NEK10: variants seen among roughly 807,000 people sequenced by gnomAD.
NEK10 encodes serine/threonine-protein kinase Nek10.
Under a neutral mutation model 159.8 loss-of-function variants are expected in NEK10, and 122 were observed. That is an observed-to-expected ratio of 0.76 (90% CI 0.66 to 0.89). The LOEUF is 0.89. NEK10 is among the 40% of genes least tolerant of loss of function. NEK10 has a pLI of 0.00. For synonymous variants in NEK10, 466 were observed against 457.1 expected (o/e 1.02, Z -0.25); for missense variants, 1,342 against 1,323.1 (o/e 1.01, Z -0.22).
intron 26 of NEK10, among the ~76,000 whole-genome samples, chr3:27,190,490 T>C (rs1305594634): frequency 6.6e-6 from 1 of 152,146 alleles, no homozygotes; most frequent in Non-Finnish European, 1.5e-5. Context: ...TTTTCCATAA[T>C]AAAGAATTTT....
chr3:27,354,570 T>C (rs1187927073), intron 1 of NEK10, among the ~76,000 whole-genome samples: 1 of 152,204 alleles, frequency 6.6e-6, no homozygotes, highest in African/African-American at 2.4e-5. Flanking sequence ...AAGTTGGGAA[T>C]GCTTTAAAAT....
At chr3:27,162,444 G>T in intron 30 of NEK10, 2 of 1,612,952 alleles carry the variant, frequency 1.2e-6, no homozygotes, top group Non-Finnish European at 1.7e-6. Context: ...ACATCAATGT[G>T]ATCTAGTAAG....
intron 30 of NEK10, among the ~76,000 whole-genome samples, chr3:27,149,774 A>G (rs1944652254): frequency 6.6e-6 from 1 of 152,194 alleles, no homozygotes; most frequent in Admixed American, 6.5e-5. Context: ...AAAGAGTCAC[A>G]TGTCTCTTAC....
chr3:27,157,836 T>C (rs1018135639), intron 30 of NEK10, among the ~76,000 whole-genome samples: 8 of 152,150 alleles, frequency 5.3e-5, no homozygotes, highest in African/African-American at 1.9e-4. Context: ...CCCCAATCTT[T>C]AGCAACCACC....
At chr3:27,119,480 A>G (rs1940972872) in intron 33 of NEK10, among the ~76,000 whole-genome samples, 1 of 152,156 alleles carries the variant, frequency 6.6e-6, no homozygotes, top group South Asian at 2.1e-4. Context: ...TCCCATCATC[A>G]GATAAGCAAA....
At chr3:27,198,803 G>A (rs1949780429) in intron 25 of NEK10, among the ~76,000 whole-genome samples, 1 of 152,094 alleles carries the variant, frequency 6.6e-6, no homozygotes. Context: ...CAGGTGCGGT[G>A]ACTCACGACT....
chr3:27,174,467 A>C lies in NEK10; in HGVS notation c.2748T>G (p.Ser916Arg). 1 of 1,612,632 alleles carries C rather than the reference A, an allele frequency of 6.2e-7. No homozygotes were observed. Among genetic ancestry groups the C allele is most frequent in the Non-Finnish European group, 8.5e-7 (1 of 1,179,770 alleles). The change falls in exon 28 of 36, where the codon AGT (serine) becomes AGG (arginine). Residue 916 changes from serine (S) to arginine (R), a missense_variant. Physicochemically the swap from Ser to Arg is moderately radical, Grantham distance 110. Coordinates refer to ENST00000691995, the MANE Select transcript of NEK10 (RefSeq NM_001394966.1). The part of the protein sequence containing the change: ...LDISDNSSSS[S>R]SSPLKESTFN... ...ATGTAGATTCTTTCAGAGGGCTTGA[A>C]CTGGAGCTGCTGGAGTTATCCGAAA...
chr3:27,201,796 G>C (rs1468770555), intron 24 of NEK10, among the ~76,000 whole-genome samples: 1 of 152,194 alleles, frequency 6.6e-6, no homozygotes, highest in African/African-American at 2.4e-5. Context: ...ATTAACCTTA[G>C]ATTCATAATA....
intron 4 of NEK10, among the ~76,000 whole-genome samples, chr3:27,344,711 A>C (rs2047434074): frequency 6.6e-6 from 1 of 152,212 alleles, no homozygotes; most frequent in Admixed American, 6.5e-5. Flanking sequence ...GGAGAGAAAG[A>C]ATGATTGGGG....
rs528818825 is a variant in NEK10, at chr3:27,297,312, T to A, written c.1169-72A>T. Reference sequence around the variant, plus strand: ...TATACTATCACATAAATACTCTTACTCCACAGGGTATTTTTATTATTTTGC... The same window carrying A: ...TATACTATCACATAAATACTCTTACACCACAGGGTATTTTTATTATTTTGC... On this transcript the variant is annotated intron_variant, in intron 13 of 35. Transcript: ENST00000691995. 24 of 957,430 alleles carry A rather than the reference T, an allele frequency of 2.5e-5. No individual in the cohort carries two copies. In the South Asian group the frequency reaches 3.5e-4, roughly 14 times the overall value. 59.3% of individuals were successfully genotyped at this position (957,430 alleles called of 1,614,324 possible). A position where few individuals can be genotyped will look rare whatever the true frequency, so the allele number is the denominator to read the frequency against.
chr3:27,298,961 T>C (rs181265666), intron 13 of NEK10, among the ~76,000 whole-genome samples: 1 of 152,164 alleles, frequency 6.6e-6, no homozygotes, highest in Non-Finnish European at 1.5e-5. Context: ...GAACACAGCA[T>C]AAAAGTTTGG....
chr3:27,123,806 G>A (rs2125465325), intron 32 of NEK10, among the ~76,000 whole-genome samples: 1 of 152,020 alleles, frequency 6.6e-6, no homozygotes, highest in East Asian at 1.9e-4. Flanking sequence ...GAGTAGATGG[G>A]GCGAGAAGAA....
intron 23 of NEK10, chr3:27,214,837 C>T: frequency 9.1e-6 from 11 of 1,209,114 alleles, no homozygotes; most frequent in Non-Finnish European, 1.3e-5. Flanking sequence ...AGATATGGAG[C>T]CTGGAAATCA....
chr3:27,228,034 G>C (rs1370183502), intron 23 of NEK10, among the ~76,000 whole-genome samples: 1 of 152,214 alleles, frequency 6.6e-6, no homozygotes, highest in African/African-American at 2.4e-5. Context: ...ACTTGCAATA[G>C]TCAAGAAGTG....
chr3:27,233,038 G>A (rs573834949), intron 23 of NEK10, among the ~76,000 whole-genome samples: 7 of 152,040 alleles, frequency 4.6e-5, no homozygotes, highest in African/African-American at 1.7e-4. Flanking sequence ...TAAATAAATG[G>A]GACCTAATTA....
intron 6 of NEK10, among the ~76,000 whole-genome samples, chr3:27,314,580 C>A (rs949280298): frequency 3.9e-5 from 6 of 152,112 alleles, no homozygotes; most frequent in African/African-American, 1.4e-4. Flanking sequence ...CCGCAGCCTG[C>A]CCCTTCATTC....
chr3:27,278,244 T>TTTAAC (rs1199967236), intron 22 of NEK10, among the ~76,000 whole-genome samples: 2 of 152,230 alleles, frequency 1.3e-5, no homozygotes, highest in Non-Finnish European at 2.9e-5. Flanking sequence ...CATGTTACAG[T>TTTAAC]ATTTTGCATA....
At chr3:27,296,454 C>G (rs1355107208) in intron 14 of NEK10, among the ~76,000 whole-genome samples, 2 of 152,100 alleles carry the variant, frequency 1.3e-5, no homozygotes, top group Admixed American at 6.6e-5. Context: ...TCAACTACCC[C>G]CTGATCTGCT....
chr3:27,357,627 G>A (rs1398677141), intron 1 of NEK10, among the ~76,000 whole-genome samples: 1 of 152,178 alleles, frequency 6.6e-6, no homozygotes, highest in African/African-American at 2.4e-5. Context: ...CTGAAGTGCT[G>A]TAAATATTTC....
Sources: gnomAD v4.1 joint callset for allele counts (sites outside exome capture counted in the v4.1 genomes callset) on GRCh38, gnomAD v4.1.1 for gene constraint, MANE v1.5 for transcripts, NCBI Gene and HGNC (gene_info 2026-07-23, HGNC 2026-07-21) for gene names.